Variants in GLCCI1 observed in about 807,000 individuals in gnomAD.
GLCCI1 encodes glucocorticoid-induced transcript 1 protein.
In GLCCI1, 24 loss-of-function variants were observed where a neutral mutation model predicts 52.2. The observed-to-expected ratio is 0.46, with a 90% CI of 0.33 to 0.65. GLCCI1 has a LOEUF of 0.65. GLCCI1 is among the 30% of genes least tolerant of loss of function. The probability of loss-of-function intolerance (pLI) is 0.02; values close to 1 mark genes in which losing one functional copy is unlikely to be tolerated. For missense variants in GLCCI1, 704 were observed against 701.5 expected (o/e 1.00, Z -0.04); for synonymous variants, 310 against 276.5 (o/e 1.12, Z -1.20).
At chr7:8,053,404 ACCTCC>A (rs1340770335) in intron 3 of GLCCI1, among the ~76,000 whole-genome samples, 1 of 140,368 alleles carries the variant, frequency 7.1e-6, no homozygotes, top group African/African-American at 2.7e-5. Flanking sequence ...GCTCACTGCA[ACCTCC>A]CCCTCCAGGT....
chr7:8,014,595 C>T (rs1269493821), intron 2 of GLCCI1, among the ~76,000 whole-genome samples: 2 of 152,138 alleles, frequency 1.3e-5, no homozygotes, highest in African/African-American at 2.4e-5. Flanking sequence ...TGCAAGATTT[C>T]CTTCCTCTGT....
intron 6 of GLCCI1, among the ~76,000 whole-genome samples, chr7:8,076,830 G>A (rs1045506273): frequency 6.0e-5 from 9 of 151,122 alleles, no homozygotes; most frequent in Admixed American, 5.3e-4. Context: ...AGTGCTTAAT[G>A]GAGATTTTTT....
rs566679630 is a variant in GLCCI1 at position 8,087,213 on chromosome 7, A to G, written c.*675A>G. On this transcript the variant is annotated 3_prime_UTR_variant, in exon 8 of 8. Coordinates refer to ENST00000223145, the MANE Select transcript of GLCCI1 (RefSeq NM_138426.4). ...TCCACATTCTTAGAATAAGAAGTGC[A>G]TTCAATCCTAGGAGAATGATAATCC... 1 of 152,754 alleles carries G rather than the reference A, an allele frequency of 6.5e-6. No homozygotes were observed. Among genetic ancestry groups the G allele is most frequent in the South Asian group, 2.1e-4 (1 of 4,828 alleles). The allele number at this position is 152,754 out of a possible 1,614,324, so 9.5% of individuals were successfully genotyped here.
intron 1 of GLCCI1, chr7:7,981,021 A>C: frequency 3.9e-6 from 2 of 514,852 alleles, no homozygotes; most frequent in Non-Finnish European, 7.3e-6. Context: ...AAGAAGTAGA[A>C]GAAATAAAGG....
Position 8,032,261 on chromosome 7 carries a change from C to T in GLCCI1, c.696+9692C>T, listed in dbSNP as rs551179888. 3.3e-5 allele frequency among the ~76,000 whole-genome samples: 5 copies of T among 152,070 alleles called. No homozygotes were observed. In the South Asian group the frequency reaches 1.0e-3, roughly 32 times the overall value. On this transcript the variant is annotated intron_variant, in intron 3 of 7. Transcript: ENST00000223145. ...TTAGAATTTATGTATGCAGCTAAAG[C>T]AGTGCTTCAAGGAAAATTTATACTT...
intron 1 of GLCCI1, chr7:7,980,753 A>G (rs1780597066): frequency 2.9e-6 from 2 of 685,526 alleles, no homozygotes; most frequent in Non-Finnish European, 2.7e-6. Flanking sequence ...GATTACCTTG[A>G]TGGTACCATA....
chr7:8,007,083 G>A (rs575384965), intron 2 of GLCCI1, among the ~76,000 whole-genome samples: 1 of 152,254 alleles, frequency 6.6e-6, no homozygotes, highest in Admixed American at 6.5e-5. Context: ...CCATGGGGAG[G>A]GGCATGGCTG....
intron 1 of GLCCI1, among the ~76,000 whole-genome samples, chr7:7,994,269 G>A (rs1439981821): frequency 6.6e-6 from 1 of 152,024 alleles, no homozygotes; most frequent in Admixed American, 6.6e-5. Context: ...AATAAATAAA[G>A]TAGCTATAGA....
At chr7:8,042,524 G>A (rs62433442) in intron 3 of GLCCI1, among the ~76,000 whole-genome samples, 7,402 of 152,254 alleles carry the variant, frequency 0.049, 307 homozygotes, top group East Asian at 0.19. Flanking sequence ...ATTAGAAGTG[G>A]AACATGGGCT....
intron 6 of GLCCI1, among the ~76,000 whole-genome samples, chr7:8,082,825 G>C (rs1191767778): frequency 2.0e-5 from 3 of 152,160 alleles, no homozygotes; most frequent in Non-Finnish European, 4.4e-5. Context: ...AGATAGATTA[G>C]CCAACTCACA....
intron 5 of GLCCI1, chr7:8,070,703 A>G (rs1270694147): frequency 2.2e-5 from 11 of 505,252 alleles, no homozygotes; most frequent in Non-Finnish European, 3.6e-5. Flanking sequence ...TGAGCTATGG[A>G]ATTTTTAAGG....
In GLCCI1 at chr7:8,072,102, C is replaced by A. The variant is rs551744405; in HGVS notation, c.1177+971C>A. 2.0e-5 allele frequency among the ~76,000 whole-genome samples: 3 copies of A among 152,268 alleles called. No homozygotes were observed. The East Asian group carries it at 5.8e-4, about 29-fold the overall frequency. Reference sequence around the variant, plus strand: ...TAGATATAGAAGATTTTTATTATCCCACAAGGCTCCCTTGCGCCTCTTCCC... The same window carrying A: ...TAGATATAGAAGATTTTTATTATCCAACAAGGCTCCCTTGCGCCTCTTCCC... On this transcript the variant is annotated intron_variant, in intron 6 of 7. Coordinates refer to ENST00000223145, the MANE Select transcript of GLCCI1 (RefSeq NM_138426.4).
chr7:7,984,571 C>T (rs989783262), intron 1 of GLCCI1, among the ~76,000 whole-genome samples: 2 of 152,160 alleles, frequency 1.3e-5, no homozygotes, highest in African/African-American at 2.4e-5. Context: ...ATTTGCTCTA[C>T]GCAATATCTA....
chr7:7,997,641 A>G (rs1780960295), intron 1 of GLCCI1, among the ~76,000 whole-genome samples: 3 of 152,096 alleles, frequency 2.0e-5, no homozygotes, highest in Admixed American at 6.6e-5. Flanking sequence ...TAAAGTAGCT[A>G]TAGAGGCTGG....
intron 3 of GLCCI1, among the ~76,000 whole-genome samples, chr7:8,051,462 G>T (rs371307243): frequency 1.1e-4 from 16 of 152,302 alleles, no homozygotes; most frequent in African/African-American, 3.9e-4. Flanking sequence ...ACTGAATTAA[G>T]AATTTTTGCC....
chr7:8,038,861 T>TC (rs1442728612), intron 3 of GLCCI1, among the ~76,000 whole-genome samples: 1 of 152,030 alleles, frequency 6.6e-6, no homozygotes, highest in African/African-American at 2.4e-5. Context: ...AAACTATATA[T>TC]CTGACAAAGG....
chr7:8,079,228 C>T (rs1782939725), intron 6 of GLCCI1, among the ~76,000 whole-genome samples: 1 of 151,862 alleles, frequency 6.6e-6, no homozygotes, highest in African/African-American at 2.4e-5. Flanking sequence ...TATTGGGAGA[C>T]CACAATTGTA....
chr7:8,023,588 C>CCTTTTTTTTTTTTTTTTTTTTT (rs1781543370), intron 3 of GLCCI1, among the ~76,000 whole-genome samples: 6 of 41,986 alleles, frequency 1.4e-4, no homozygotes, highest in African/African-American at 6.1e-4. Context: ...CTCTGTTATT[C>CCTTTTTTTTTTTTTTTTTTTTT]TTTTTTTTTT....
intron 3 of GLCCI1, among the ~76,000 whole-genome samples, chr7:8,040,738 A>C (rs919062870): frequency 6.6e-6 from 1 of 152,232 alleles, no homozygotes; most frequent in South Asian, 2.1e-4. Flanking sequence ...CATTCTTAAA[A>C]GTCTGTACAA....
Sources: gnomAD v4.1 joint callset for allele counts (sites outside exome capture counted in the v4.1 genomes callset) on GRCh38, gnomAD v4.1.1 for gene constraint, MANE v1.5 for transcripts, NCBI Gene and HGNC (gene_info 2026-07-23, HGNC 2026-07-21) for gene names.